RB1CC1: variants seen among roughly 807,000 people sequenced by gnomAD.
RB1CC1 encodes the protein RB1-inducible coiled-coil protein 1.
RB1CC1 carries 46 observed loss-of-function variants against 177.5 expected under a neutral mutation model. The observed-to-expected ratio is 0.26, with a 90% confidence interval of 0.20 to 0.33. The LOEUF is 0.33. RB1CC1 is among the 10% of genes least tolerant of loss of function. RB1CC1 has a pLI of 1.00. For synonymous variants in RB1CC1, 666 were observed against 613.6 expected (o/e 1.09, Z -1.26); for missense variants, 1,703 against 1,816.3 (o/e 0.94, Z 1.13).
intron 7 of RB1CC1, among the ~76,000 whole-genome samples, chr8:52,668,962 GA>G (rs1001103729): frequency 4.6e-5 from 7 of 152,186 alleles, no homozygotes; most frequent in African/African-American, 1.7e-4. Context: ...TTCTAAAACA[GA>G]TGATTCAGAA....
intron 15 of RB1CC1, 137 bp downstream of exon 15, chr8:52,655,871 G>GT (rs1255525522): frequency 1.6e-6 from 1 of 629,314 alleles, no homozygotes; most frequent in Non-Finnish European, 2.5e-6. Flanking sequence ...TGACTAAAAA[G>GT]TAAGTTTTTA....
Position 52,623,603 on chromosome 8 carries a change from G to C in RB1CC1, c.*179C>G. On this transcript the variant is annotated 3_prime_UTR_variant, in exon 24 of 24. Coordinates refer to ENST00000025008, the MANE Select transcript of RB1CC1 (RefSeq NM_014781.5). ...CCATTTTAATTCAGCCAAGGATTCT[G>C]ATGAATTTATTATTCCTAAAATGAA... 1.6e-6 allele frequency: 1 copy of C among 638,410 alleles called. No individual in the cohort carries two copies. Among genetic ancestry groups the C allele is most frequent in the South Asian group, 1.6e-5 (1 of 62,164 alleles). 39.5% of individuals were successfully genotyped at this position (638,410 alleles called of 1,614,324 possible).
chr8:52,692,618 G>A (rs1045856089), intron 1 of RB1CC1, among the ~76,000 whole-genome samples: 2 of 152,068 alleles, frequency 1.3e-5, no homozygotes, highest in Non-Finnish European at 2.9e-5. Flanking sequence ...TCCATAGCTG[G>A]ATCACGGGGG....
Position 52,658,898 on chromosome 8 carries a change from G to A in RB1CC1, c.1768C>T (p.Pro590Ser), listed in dbSNP as rs1357096073. The A allele has an allele frequency of 1.0e-5, 16 of 1,581,232 alleles. No individual in the cohort carries two copies. The highest frequency in any genetic ancestry group is 1.4e-5 in the Non-Finnish European group (16 of 1,165,874). The change falls in exon 13 of 24, where the codon CCT becomes TCT. Residue 590 changes from proline to serine, a missense_variant. Pro to Ser is a moderately conservative substitution (Grantham distance 74, BLOSUM62 -1). This residue lies in a region of RB1CC1 where 1,169 missense variants were observed against 1,184.7 expected (regional missense o/e 0.99). Coordinates refer to ENST00000025008, the MANE Select transcript of RB1CC1 (RefSeq NM_014781.5). ...CTGAGGAATGGCTGAACTTCCGAAG[G>A]ACAAAATGATTGCAGAAACTGTAAA... ...KDLQFLQSFC[P>S]SEVQPFLRVP...
intron 11 of RB1CC1, 86 bp downstream of exon 11, chr8:52,660,839 TA>T: frequency 2.3e-5 from 28 of 1,205,342 alleles, no homozygotes; most frequent in Non-Finnish European, 3.2e-5. Flanking sequence ...ATTAACAGCA[TA>T]TACATGAAGT....
chr8:52,712,046 ATTAC>A (rs904264976), intron 1 of RB1CC1, among the ~76,000 whole-genome samples: 165 of 152,318 alleles, frequency 1.1e-3, no homozygotes, highest in African/African-American at 3.8e-3. Flanking sequence ...CTCAAGAACA[ATTAC>A]TTAAACATTT....
intron 1 of RB1CC1, among the ~76,000 whole-genome samples, chr8:52,688,577 T>C (rs1348988927): frequency 6.6e-6 from 1 of 152,218 alleles, no homozygotes; most frequent in African/African-American, 2.4e-5. Context: ...ATCAAGGTAA[T>C]ACATGCATGG....
intron 5 of RB1CC1, among the ~76,000 whole-genome samples, chr8:52,680,745 C>T (rs1460061754): frequency 6.6e-6 from 1 of 152,138 alleles, no homozygotes. Flanking sequence ...ATACATGCAA[C>T]AGCATGAATC....
At chr8:52,707,105 A>T (rs1158106193) in intron 1 of RB1CC1, among the ~76,000 whole-genome samples, 1 of 152,262 alleles carries the variant, frequency 6.6e-6, no homozygotes, top group East Asian at 1.9e-4. Context: ...GATTACAAAA[A>T]GTAAAAGTAC....
chr8:52,685,848 A>C (rs1854229275), intron 2 of RB1CC1: 1 of 157,226 alleles, frequency 6.4e-6, no homozygotes, highest in African/African-American at 2.4e-5. Flanking sequence ...AGAATAAAAC[A>C]GTTGGTCAAT....
At chr8:52,624,415 T>C (rs941627089) in intron 23 of RB1CC1, among the ~76,000 whole-genome samples, 2 of 152,010 alleles carry the variant, frequency 1.3e-5, no homozygotes, top group African/African-American at 4.8e-5. Flanking sequence ...TTTTTGTCTC[T>C]AGTTATGCAG....
chr8:52,702,764 T>A (rs1185805663), intron 1 of RB1CC1, among the ~76,000 whole-genome samples: 1 of 152,140 alleles, frequency 6.6e-6, no homozygotes, highest in Non-Finnish European at 1.5e-5. Flanking sequence ...AACAACTTTC[T>A]TCATCAATAC....
At chr8:52,680,543 CTG>C (rs760607496) in intron 5 of RB1CC1, among the ~76,000 whole-genome samples, 7 of 152,180 alleles carry the variant, frequency 4.6e-5, no homozygotes, top group Non-Finnish European at 8.8e-5. Flanking sequence ...AGATTTAACA[CTG>C]TCAAAGTATT....
At chr8:52,682,965 A>C (rs1853899972) in intron 5 of RB1CC1, among the ~76,000 whole-genome samples, 1 of 152,208 alleles carries the variant, frequency 6.6e-6, no homozygotes, top group South Asian at 2.1e-4. Flanking sequence ...TTTTTACAAA[A>C]GGTAAATACT....
At chr8:52,712,145 G>A (rs534218161) in intron 1 of RB1CC1, among the ~76,000 whole-genome samples, 9 of 152,184 alleles carry the variant, frequency 5.9e-5, no homozygotes, top group Non-Finnish European at 1.3e-4. Flanking sequence ...GAAAGGGACT[G>A]CTAGATTTTC....
In RB1CC1 at chr8:52,645,367, T is replaced by A. The variant is rs145853137; in HGVS notation, c.3987+335A>T. 7.2e-5 allele frequency among the ~76,000 whole-genome samples: 11 copies of A among 152,192 alleles called. No individual in the cohort carries two copies. In the East Asian group the frequency reaches 2.1e-3, roughly 29 times the overall value. ...AAAACTAATCTTAGTTCTCAAGAGG[T>A]TAAATGATCTACCCAAGATCACATA... On this transcript the variant is annotated intron_variant, in intron 16 of 23. Transcript: ENST00000025008.
At chr8:52,628,424 G>A (rs557743820) in intron 21 of RB1CC1, among the ~76,000 whole-genome samples, 8 of 152,236 alleles carry the variant, frequency 5.3e-5, no homozygotes, top group Non-Finnish European at 1.0e-4. Context: ...ATTATCTAAC[G>A]TTAAGGAACT....
chr8:52,630,097 CT>C (rs1256717537), intron 21 of RB1CC1, among the ~76,000 whole-genome samples: 1 of 151,974 alleles, frequency 6.6e-6, no homozygotes, highest in African/African-American at 2.4e-5. Context: ...AAAATGAAAT[CT>C]AAAAACTAAA....
At chr8:52,639,467 GAA>G (rs1247415456) in intron 18 of RB1CC1, among the ~76,000 whole-genome samples, 1 of 152,128 alleles carries the variant, frequency 6.6e-6, no homozygotes, top group Non-Finnish European at 1.5e-5. Context: ...AATGAGGACA[GAA>G]AAAGTTGTTT....
Sources: gnomAD v4.1 joint callset for allele counts (sites outside exome capture counted in the v4.1 genomes callset) on GRCh38, gnomAD v4.1.1 for gene constraint, gnomAD v4.1.1 regional missense constraint, MANE v1.5 for transcripts, NCBI Gene and HGNC (gene_info 2026-07-23, HGNC 2026-07-21) for gene names.